Variants in COBL observed in about 807,000 individuals in gnomAD.
COBL encodes protein cordon-bleu.
Under a neutral mutation model 98.8 loss-of-function variants are expected in COBL, and 51 were observed. That is an observed-to-expected ratio of 0.52 (90% CI 0.41 to 0.65). The LOEUF (loss-of-function observed/expected upper bound fraction) is 0.65, where lower values mean the gene tolerates loss of function less well. Among genes scored for constraint, COBL ranks in the 30% least tolerant of loss-of-function variants. The pLI is 0.00. For missense variants in COBL, 1,617 were observed against 1,617.5 expected (o/e 1.00, Z 0.01); for synonymous variants, 634 against 651.7 (o/e 0.97, Z 0.41).
At chr7:51,030,549 T>C (rs1562819010) in intron 9 of COBL, among the ~76,000 whole-genome samples, 1 of 152,370 alleles carries the variant, frequency 6.6e-6, no homozygotes. Context: ...CATACTTTTT[T>C]AATGCACTGA....
At chr7:51,129,264 G>A (rs963031703) in intron 6 of COBL, among the ~76,000 whole-genome samples, 1 of 151,944 alleles carries the variant, frequency 6.6e-6, no homozygotes. Context: ...TGTGTCTGGA[G>A]GGCCGGCTTC....
chr7:51,029,521 G>A lies in COBL; in HGVS notation c.1575C>T (p.Cys525=). The A allele has an allele frequency of 6.2e-7, 1 of 1,613,896 alleles. No individual in the cohort carries two copies. ...TSSIHGASNH[C]PQDAMIPHGD... The stretch of plus-strand genomic sequence containing the variant: ...CGTGAGGGATCATGGCATCCTGTGG[G>A]CAGTGGTTGGATGCACCATGGATGG... Residue 525 remains cysteine (C), a synonymous_variant, in exon 10 of 13, where the codon TGC becomes TGT. Transcript: ENST00000265136.
chr7:51,155,544 C>G (rs576572674), intron 5 of COBL, among the ~76,000 whole-genome samples: 1 of 122,020 alleles, frequency 8.2e-6, no homozygotes, highest in Non-Finnish European at 1.6e-5. Flanking sequence ...GAGCTGAGAT[C>G]ATGCCACTGC....
intron 2 of COBL, among the ~76,000 whole-genome samples, chr7:51,205,489 T>G (rs1185592071): frequency 6.6e-6 from 1 of 151,318 alleles, no homozygotes; most frequent in African/African-American, 2.4e-5. Flanking sequence ...CTGACCCTTA[T>G]CTCACTCTAT....
chr7:51,064,829 C>CTGGGT (rs1791735345), intron 7 of COBL: 1 of 297,522 alleles, frequency 3.4e-6, no homozygotes, highest in East Asian at 5.8e-5. Context: ...AAAGTCTTGC[C>CTGGGT]TGGGTTGAGC....
intron 6 of COBL, among the ~76,000 whole-genome samples, chr7:51,118,275 C>T (rs895152738): frequency 2.6e-5 from 4 of 151,990 alleles, no homozygotes; most frequent in Non-Finnish European, 4.4e-5. Flanking sequence ...CAGTTTCCAG[C>T]GGTTGGGAGT....
chr7:51,233,174 T>C (rs1182345438), intron 1 of COBL, among the ~76,000 whole-genome samples: 2 of 152,186 alleles, frequency 1.3e-5, no homozygotes, highest in African/African-American at 4.8e-5. Flanking sequence ...TCTAATTATG[T>C]ATAGTGACAG....
chr7:51,236,098 G>C (rs1476592909), intron 1 of COBL, among the ~76,000 whole-genome samples: 1 of 152,152 alleles, frequency 6.6e-6, no homozygotes, highest in Non-Finnish European at 1.5e-5. Context: ...AACTAACGCT[G>C]ACCAACACTC....
intron 1 of COBL, among the ~76,000 whole-genome samples, chr7:51,222,192 A>AAACAAT (rs1793718475): frequency 6.7e-6 from 1 of 149,998 alleles, no homozygotes; most frequent in South Asian, 2.1e-4. Flanking sequence ...TCCGTCTCAA[A>AAACAAT]AATAATAATA....
In COBL at chr7:51,088,854, C is replaced by T. The variant is rs1295196606; in HGVS notation, c.958-3550G>A. ...TCCTGCCTGAGGGAAACTAGGCCTT[C>T]CCGAGTACTCTGGTGAGAGGGCCTT... On this transcript the variant is annotated intron_variant, in intron 6 of 12. Coordinates refer to ENST00000265136, the MANE Select transcript of COBL (RefSeq NM_015198.5). 2.0e-5 allele frequency among the ~76,000 whole-genome samples: 3 copies of T among 152,174 alleles called. No individual in the cohort carries two copies. In the South Asian group the frequency reaches 6.2e-4, roughly 32 times the overall value.
At chr7:51,065,534 G>C (rs1245643664) in intron 7 of COBL, 1 of 619,164 alleles carries the variant, frequency 1.6e-6, no homozygotes, top group East Asian at 2.7e-5. Flanking sequence ...GTTGGGCTAG[G>C]GTGGGCTACA....
At chr7:51,292,873 A>G (rs1473796406) in intron 1 of COBL, among the ~76,000 whole-genome samples, 1 of 152,254 alleles carries the variant, frequency 6.6e-6, no homozygotes, top group East Asian at 1.9e-4. Flanking sequence ...CTGGGCACAC[A>G]GGTTTCATGC....
rs566359626 is a variant in COBL at position 51,039,202 on chromosome 7, C to T, written c.1406+4181G>A. Among the ~76,000 whole-genome samples, 5 of 152,368 alleles carry T rather than the reference C, an allele frequency of 3.3e-5. No individual in the cohort carries two copies. In the South Asian group the frequency reaches 1.0e-3, roughly 32 times the overall value. Reference sequence around the variant, plus strand: ...TTTGCTCACACTGCCTGTCAGAAAACCTCCTCTTTGCTATTGTTTCTCTCA... The same window carrying T: ...TTTGCTCACACTGCCTGTCAGAAAATCTCCTCTTTGCTATTGTTTCTCTCA... On this transcript the variant is annotated intron_variant, in intron 8 of 12. Transcript: ENST00000265136.
At chr7:51,043,738 G>A (rs774626727) in intron 7 of COBL, 46 bp from the exon 8 acceptor site, 37 of 1,528,436 alleles carry the variant, frequency 2.4e-5, no homozygotes, top group Middle Eastern at 1.7e-4. Context: ...CCACTCTGGC[G>A]TCCATACTGC....
chr7:51,148,076 C>T (rs113571125), intron 5 of COBL, among the ~76,000 whole-genome samples: 8,508 of 152,240 alleles, frequency 0.056, 334 homozygotes, highest in Middle Eastern at 0.12. Context: ...TGATTTATTA[C>T]GGCTAGCAGA....
At chr7:51,103,902 G>A (rs927146566) in intron 6 of COBL, among the ~76,000 whole-genome samples, 2 of 152,210 alleles carry the variant, frequency 1.3e-5, no homozygotes, top group African/African-American at 2.4e-5. Flanking sequence ...AGGCCTGCCC[G>A]CACCTGGCCT....
intron 8 of COBL, among the ~76,000 whole-genome samples, chr7:51,041,749 G>A (rs1789222311): frequency 6.6e-6 from 1 of 151,970 alleles, no homozygotes; most frequent in Admixed American, 6.6e-5. Context: ...CTCCCAAAGT[G>A]CTGGGATTAT....
intron 2 of COBL, among the ~76,000 whole-genome samples, chr7:51,206,722 G>A (rs111359502): frequency 1.6e-4 from 24 of 152,188 alleles, no homozygotes; most frequent in African/African-American, 5.5e-4. Flanking sequence ...TGCCACGTGT[G>A]ACAACATGGA....
intron 5 of COBL, among the ~76,000 whole-genome samples, chr7:51,178,504 T>C (rs1788629914): frequency 6.6e-6 from 1 of 152,158 alleles, no homozygotes; most frequent in African/African-American, 2.4e-5. Context: ...AGGGTTTTCA[T>C]ATAGTATTGA....
Sources: gnomAD v4.1 joint callset for allele counts (sites outside exome capture counted in the v4.1 genomes callset) on GRCh38, gnomAD v4.1.1 for gene constraint, MANE v1.5 for transcripts, NCBI Gene and HGNC (gene_info 2026-07-23, HGNC 2026-07-21) for gene names.